The following CAPN11 variants were observed in gnomAD, a reference collection of about 807,000 sequenced individuals.
The protein encoded by CAPN11 is calpain-11.
A neutral mutation model predicts 105.3 loss-of-function variants in CAPN11; 108 were observed. The ratio of observed to expected loss-of-function variants is 1.03; its 90% CI spans 0.88 to 1.20. The LOEUF (loss-of-function observed/expected upper bound fraction) is 1.20, where lower values mean the gene tolerates loss of function less well. CAPN11 is among the 50% of genes most tolerant of loss of function. The pLI is 0.00. For missense variants in CAPN11, 883 were observed against 924.8 expected, an observed-to-expected ratio of 0.95 and a Z score of 0.59; for synonymous variants, 329 against 344.5, an observed-to-expected ratio of 0.96 and a Z score of 0.50.
Position 44,169,253 on chromosome 6 carries a change from G to A in CAPN11, c.89-28G>A, listed in dbSNP as rs201677696. 2.0e-5 allele frequency: 32 copies of A among 1,584,868 alleles called. No homozygotes were observed. In the East Asian group the frequency reaches 2.7e-4, roughly 13 times the overall value. ...CCAGCTTATTACATTTTTTACTTGCGTTATTTCTCTTTTTTTTTCTTAAGC... is the reference window on the plus strand; with the variant it reads ...CCAGCTTATTACATTTTTTACTTGCATTATTTCTCTTTTTTTTTCTTAAGC... On this transcript the variant is annotated intron_variant, in intron 2 of 22. Coordinates refer to ENST00000398776, the MANE Select transcript of CAPN11 (RefSeq NM_007058.4).
chr6:44,173,372 G>C lies in CAPN11; in HGVS notation c.817G>C (p.Gly273Arg). Reference sequence around the variant, plus strand: ...GGCCGTGGAGCGATCCTCCCTCATGGGTTGCTCCATTGAAGTAAGCAAAGC... The same window carrying C: ...GGCCGTGGAGCGATCCTCCCTCATGCGTTGCTCCATTGAAGTAAGCAAAGC... ...RKAVERSSLM[G>R]CSIEVTSDSE... The change falls in exon 7 of 23, where the codon GGT (glycine) becomes CGT (arginine). Residue 273 changes from glycine to arginine, a missense_variant. By Grantham distance (125) the Gly-to-Arg change is moderately radical (BLOSUM62 -2). Transcript: ENST00000398776. 6.2e-7 allele frequency: 1 copy of C among 1,610,320 alleles called. No individual in the cohort carries two copies. Among genetic ancestry groups the C allele is most frequent in the South Asian group, 1.1e-5 (1 of 90,766 alleles).
intron 14 of CAPN11, 45 bp from the exon 15 acceptor site, chr6:44,180,415 C>T (rs1295634137): frequency 1.2e-6 from 2 of 1,604,650 alleles, no homozygotes; most frequent in Non-Finnish European, 1.7e-6. Flanking sequence ...AAACCCCCAC[C>T]TCCCTCCCCC....
chr6:44,178,211 T>C (rs1271499422), intron 12 of CAPN11, among the ~76,000 whole-genome samples: 1 of 152,124 alleles, frequency 6.6e-6, no homozygotes, highest in African/African-American at 2.4e-5. Context: ...GGAAGGAGCC[T>C]GCGGGCCAGA....
chr6:44,169,235 A>C, intron 2 of CAPN11, 46 bp from the exon 3 acceptor site: 1 of 1,549,626 alleles, frequency 6.5e-7, no homozygotes, highest in Non-Finnish European at 8.7e-7. Context: ...TGCCCAGCTT[A>C]TTACATTTTT....
chr6:44,170,435 G>A (rs1770777190), intron 4 of CAPN11, among the ~76,000 whole-genome samples: 3 of 152,106 alleles, frequency 2.0e-5, no homozygotes, highest in Admixed American at 2.0e-4. Context: ...CACTTACGTG[G>A]CAGGAGCTCT....
intron 1 of CAPN11, among the ~76,000 whole-genome samples, chr6:44,161,177 GTT>G (rs72414684): frequency 0.013 from 1,806 of 143,574 alleles, 40 homozygotes; most frequent in African/African-American, 0.042. Context: ...TTTCTTTTGG[GTT>G]TTTTTTTTTT....
chr6:44,177,687 A>G lies in CAPN11; in HGVS notation c.1416+267A>G, dbSNP rs1222975747. 10 of 381,194 alleles carry G rather than the reference A, an allele frequency of 2.6e-5. No individual in the cohort carries two copies. The South Asian group carries it at 2.8e-4, about 11-fold the overall frequency. The allele number at this position is 381,194 out of a possible 1,614,324, so 23.6% of individuals were successfully genotyped here. The stretch of plus-strand genomic sequence containing the variant: ...TTTTTAGTAGAGACGGGGTTTCACC[A>G]TGTTGGCTAGGCTGGTCTGGAACTC... On this transcript the variant is annotated intron_variant, in intron 12 of 22. Transcript: ENST00000398776.
At chr6:44,181,352 G>A in intron 19 of CAPN11, 32 bp downstream of exon 19, 1 of 1,598,020 alleles carries the variant, frequency 6.3e-7, no homozygotes, top group Non-Finnish European at 8.6e-7. Flanking sequence ...GCCTCCAGGG[G>A]TGAGGAAAAG....
rs747673026 is a variant in CAPN11, at chr6:44,169,980, G to C, written c.409+5G>C. On this transcript the variant is annotated splice_donor_5th_base_variant and intron_variant, in intron 4 of 22. Transcript: ENST00000398776. ...ACATCTGCCAGGGGATCCTCGGTGA[G>C]TGGGGCACAGGAAGCTGGTCTCCAC... 1 of 1,607,194 alleles carries C rather than the reference G, an allele frequency of 6.2e-7. No homozygotes were observed. The highest frequency in any genetic ancestry group is 8.5e-7 in the Non-Finnish European group (1 of 1,175,998).
In CAPN11 at chr6:44,169,324, C is replaced by T. The variant is rs956510637; in HGVS notation, c.132C>T (p.Asn44=). Residue 44 remains asparagine (N), a synonymous_variant, in exon 3 of 23, where the codon AAC becomes AAT. Coordinates refer to ENST00000398776, the MANE Select transcript of CAPN11 (RefSeq NM_007058.4). ...CGGGAATGGTGGCTCACATAAACAA[C>T]AGCCGGCTCAAGGCCAAGGGCGTGG... is the stretch of plus-strand genomic sequence containing the variant. ...TDTGMVAHIN[N]SRLKAKGVGQ... is the part of the protein sequence containing the mutation. 2.5e-6 allele frequency: 4 copies of T among 1,613,746 alleles called. No individual in the cohort carries two copies. Among genetic ancestry groups the T allele is most frequent in the Non-Finnish European group, 2.5e-6 (3 of 1,179,772 alleles).
intron 19 of CAPN11, among the ~76,000 whole-genome samples, chr6:44,181,662 T>A (rs111161411): frequency 5.7e-4 from 5 of 8,840 alleles, no homozygotes; most frequent in Non-Finnish European, 1.0e-3. Context: ...CACACCACAC[T>A]CACACACACA....
chr6:44,169,677 C>T, intron 3 of CAPN11, 146 bp downstream of exon 3: 5 of 986,692 alleles, frequency 5.1e-6, no homozygotes, highest in Non-Finnish European at 7.4e-6. Flanking sequence ...GAGCTGGGGA[C>T]AGTTCTGAAT....
At chr6:44,175,114 T>C (rs963039860) in intron 7 of CAPN11, among the ~76,000 whole-genome samples, 1 of 152,074 alleles carries the variant, frequency 6.6e-6, no homozygotes, top group African/African-American at 2.4e-5. Flanking sequence ...ATAATGGAAT[T>C]GCATAGAGCA....
intron 7 of CAPN11, among the ~76,000 whole-genome samples, chr6:44,173,728 G>A (rs12215626): frequency 0.61 from 92,433 of 151,122 alleles, 28,512 homozygotes; most frequent in Non-Finnish European, 0.66. Context: ...GATTACAGCC[G>A]TGTGCCACCC....
intron 4 of CAPN11, 118 bp from the exon 5 acceptor site, chr6:44,172,184 C>T (rs1048298170): frequency 3.7e-5 from 22 of 596,472 alleles, no homozygotes; most frequent in Middle Eastern, 9.1e-4. Flanking sequence ...GCCTCTCCGC[C>T]GGGGGGGTGA....
chr6:44,180,221 A>G, intron 14 of CAPN11, 58 bp downstream of exon 14: 1 of 1,262,502 alleles, frequency 7.9e-7, no homozygotes. Flanking sequence ...CAGGATATCA[A>G]GCTCAGGGAG....
At chr6:44,175,797 T>TAATAAC (rs1554131207) in intron 7 of CAPN11, among the ~76,000 whole-genome samples, 1 of 151,496 alleles carries the variant, frequency 6.6e-6, no homozygotes, top group Admixed American at 6.6e-5. Flanking sequence ...ATAATAATAA[T>TAATAAC]AATTTTTAAA....
Position 44,176,109 on chromosome 6 carries a change from G to C in CAPN11, c.873G>C (p.Met291Ile). 2.5e-6 allele frequency: 4 copies of C among 1,613,228 alleles called. No individual in the cohort carries two copies. The highest frequency in any genetic ancestry group is 3.4e-6 in the Non-Finnish European group (4 of 1,179,596). Reference protein sequence around the residue: ...DSELESMTDKMLVRGHAYSVT... With the variant: ...DSELESMTDKILVRGHAYSVT... ...AACTGGAATCCATGACTGACAAGAT[G>C]CTGGTGAGAGGGCACGCTTACTCTG... is the stretch of plus-strand genomic sequence containing the variant. Residue 291 changes from methionine to isoleucine, a missense_variant, in exon 8 of 23, where the codon ATG (methionine) becomes ATC (isoleucine). Physicochemically the swap from Met to Ile is conservative, Grantham distance 10. Transcript: ENST00000398776.
At chr6:44,179,253 T>TA (rs1220425114) in intron 12 of CAPN11, among the ~76,000 whole-genome samples, 1 of 151,980 alleles carries the variant, frequency 6.6e-6, no homozygotes, top group East Asian at 1.9e-4. Context: ...CCTGGAATGA[T>TA]AAAAATCTAC....
Sources: allele counts gnomAD v4.1 joint callset (sites outside exome capture counted in the v4.1 genomes callset), GRCh38; gene constraint gnomAD v4.1.1; transcripts MANE v1.5; gene names NCBI Gene and HGNC (gene_info 2026-07-23, HGNC 2026-07-21).